SCAF8: variants seen among roughly 807,000 people sequenced by gnomAD.
The protein encoded by SCAF8 is SR-related CTD associated factor 8.
SCAF8 carries 23 observed loss-of-function variants against 140.5 expected under a neutral mutation model. The observed-to-expected ratio is 0.16, with a 90% CI of 0.12 to 0.23. The LOEUF (loss-of-function observed/expected upper bound fraction) is 0.23. Among genes scored for constraint, SCAF8 ranks in the 10% least tolerant of loss-of-function variants. The probability of loss-of-function intolerance (pLI) is 1.00; values close to 1 mark genes in which losing one functional copy is unlikely to be tolerated. For synonymous variants in SCAF8, 575 were observed against 528.9 expected (o/e 1.09, Z -1.20); for missense variants, 1,397 against 1,555.7 (o/e 0.90, Z 1.72).
chr6:154,781,726 T>C (rs572194996), intron 3 of SCAF8, among the ~76,000 whole-genome samples: 2 of 152,350 alleles, frequency 1.3e-5, no homozygotes, highest in East Asian at 3.9e-4. Flanking sequence ...TAGTTTTTGG[T>C]TATTATGAAT....
chr6:154,761,454 C>G (rs930047544), intron 1 of SCAF8, among the ~76,000 whole-genome samples: 2 of 152,134 alleles, frequency 1.3e-5, no homozygotes, highest in East Asian at 3.9e-4. Context: ...CCAGTGCACT[C>G]CATACTCCAG....
intron 1 of SCAF8, among the ~76,000 whole-genome samples, chr6:154,738,225 A>G (rs1326503532): frequency 6.6e-6 from 1 of 152,062 alleles, no homozygotes; most frequent in African/African-American, 2.4e-5. Context: ...GAAAACCCCA[A>G]TAATACAGAT....
At chr6:154,755,277 A>G (rs922261971) in intron 1 of SCAF8, among the ~76,000 whole-genome samples, 1 of 152,078 alleles carries the variant, frequency 6.6e-6, no homozygotes, top group East Asian at 1.9e-4. Context: ...TTTTTTAGAC[A>G]GAGTCTTGCT....
intron 1 of SCAF8, among the ~76,000 whole-genome samples, chr6:154,751,315 G>A (rs529162300): frequency 7.3e-5 from 11 of 151,234 alleles, no homozygotes; most frequent in Admixed American, 4.0e-4. Context: ...TGCAACCTCC[G>A]CCTCCCAAGT....
chr6:154,762,596 G>A (rs1776438286), intron 1 of SCAF8, among the ~76,000 whole-genome samples: 1 of 152,078 alleles, frequency 6.6e-6, no homozygotes, highest in South Asian at 2.1e-4. Flanking sequence ...AGTCTTGGGG[G>A]CCATCTTAGA....
At position 154,733,851 on chromosome 6, in the gene SCAF8, G is replaced by T; in HGVS notation, c.-50G>T. The stretch of plus-strand genomic sequence containing the variant: ...CGTCTCGCTCTCCCCACCCAGTGCA[G>T]TGGCCGCCGCCTCTTCCGCCGCCGG... On this transcript the variant is annotated 5_prime_UTR_variant, in exon 1 of 20. Coordinates refer to ENST00000367178, the MANE Select transcript of SCAF8 (RefSeq NM_014892.5). 6.5e-7 allele frequency: 1 copy of T among 1,542,360 alleles called. No homozygotes were observed. Among genetic ancestry groups the T allele is most frequent in the East Asian group, 2.7e-5 (1 of 37,250 alleles).
intron 6 of SCAF8, among the ~76,000 whole-genome samples, chr6:154,801,010 A>T (rs1024425713): frequency 2.0e-5 from 3 of 151,502 alleles, no homozygotes; most frequent in African/African-American, 7.2e-5. Context: ...AGAGGAAGAA[A>T]ATTGGATGCT....
At chr6:154,812,592 G>A (rs573589050) in intron 12 of SCAF8, among the ~76,000 whole-genome samples, 92 of 152,158 alleles carry the variant, frequency 6.0e-4, no homozygotes, top group Non-Finnish European at 1.2e-3. Context: ...CCTGTGGTTT[G>A]TATTCTTTCT....
At chr6:154,736,172 C>T (rs374988049) in intron 1 of SCAF8, among the ~76,000 whole-genome samples, 10 of 151,776 alleles carry the variant, frequency 6.6e-5, no homozygotes, top group East Asian at 3.9e-4. Flanking sequence ...TAATTCCCGC[C>T]GCCACCCTCT....
At chr6:154,790,811 C>CT (rs904982373) in intron 4 of SCAF8, among the ~76,000 whole-genome samples, 20 of 151,864 alleles carry the variant, frequency 1.3e-4, no homozygotes, top group Admixed American at 5.2e-4. Flanking sequence ...CACCTGGCCT[C>CT]TTTTTTCGTA....
rs1462449647 is a variant in SCAF8 at position 154,805,362 on chromosome 6, C to T, written c.864-7C>T. On this transcript the variant is annotated splice_region_variant and splice_polypyrimidine_tract_variant and intron_variant, in intron 8 of 19. Transcript: ENST00000367178. ...TAAAATATGTTTCCACCTGTTTTTC[C>T]TTTTAGTTCTCACGTTTCAGAATCT... 2 of 1,546,580 alleles carry T rather than the reference C, an allele frequency of 1.3e-6. No homozygotes were observed. Among genetic ancestry groups the T allele is most frequent in the Admixed American group, 1.7e-5 (1 of 58,572 alleles).
rs567945954 is a variant in SCAF8 at position 154,756,160 on chromosome 6, C to T, written c.31-17829C>T. Reference sequence around the variant, plus strand: ...AGGAAAAGTTTGAGGTCCTAAATACCACTTTTGTGTACAGTATTATTTCTC... The same window carrying T: ...AGGAAAAGTTTGAGGTCCTAAATACTACTTTTGTGTACAGTATTATTTCTC... On this transcript the variant is annotated intron_variant, in intron 1 of 19. Transcript: ENST00000367178. Among the ~76,000 whole-genome samples the T allele has an allele frequency of 2.9e-3, 447 of 152,208 alleles. 3 individuals carry two copies. The highest frequency in any genetic ancestry group is 0.01 in the African/African-American group (435 of 41,544).
At position 154,815,799 on chromosome 6, in the gene SCAF8, C is replaced by A; in HGVS notation, c.1504C>A (p.Gln502Lys). ...DLTNLFEEFG[Q>K]IESINMIPPR... ...AACCAACCTGTTTGAAGAGTTTGGA[C>A]AGATTGAATCCATTAATGCAAGTAT... The change falls in exon 13 of 20, where the codon CAG becomes AAG. Residue 502 changes from glutamine (Q) to lysine (K), a missense_variant. Gln to Lys is a moderately conservative substitution (Grantham distance 53, BLOSUM62 1). This residue lies in a region of SCAF8 where 59 missense variants were observed against 110.7 expected (regional missense o/e 0.53). Transcript: ENST00000367178. 6.2e-7 allele frequency: 1 copy of A among 1,608,400 alleles called. No homozygotes were observed. Among genetic ancestry groups the A allele is most frequent in the Non-Finnish European group, 8.5e-7 (1 of 1,175,430 alleles).
At chr6:154,766,504 G>A (rs1776570324) in intron 1 of SCAF8, among the ~76,000 whole-genome samples, 1 of 151,954 alleles carries the variant, frequency 6.6e-6, no homozygotes, top group Non-Finnish European at 1.5e-5. Context: ...TTGTTTTCTG[G>A]CACTGCTTCT....
intron 17 of SCAF8, among the ~76,000 whole-genome samples, chr6:154,826,538 G>A (rs1262389361): frequency 1.3e-5 from 2 of 152,106 alleles, no homozygotes; most frequent in Non-Finnish European, 2.9e-5. Flanking sequence ...TGTAATGGTA[G>A]CTTTATATTT....
At chr6:154,820,824 T>C (rs1778401354) in intron 15 of SCAF8, among the ~76,000 whole-genome samples, 1 of 152,136 alleles carries the variant, frequency 6.6e-6, no homozygotes, top group South Asian at 2.1e-4. Flanking sequence ...TTTTTTTTAA[T>C]CCCCAAAATT....
rs1459271353 is a variant in SCAF8 at position 154,733,472 on chromosome 6, G to C, written c.-429G>C. The C allele has an allele frequency of 7.4e-7, 1 of 1,359,908 alleles. No individual in the cohort carries two copies. Among genetic ancestry groups the C allele is most frequent in the Admixed American group, 3.7e-5 (1 of 27,080 alleles). The allele number at this position is 1,359,908 out of a possible 1,614,324, so 84.2% of individuals were successfully genotyped here. Reference sequence around the variant, plus strand: ...CTTCCTCCTCTGTCTTCGCCGAGCGGGGCTGGTTCCTGCGGCCCGAGCGGC... The same window carrying C: ...CTTCCTCCTCTGTCTTCGCCGAGCGCGGCTGGTTCCTGCGGCCCGAGCGGC... On this transcript the variant is annotated 5_prime_UTR_variant, in exon 1 of 20. Coordinates refer to ENST00000367178, the MANE Select transcript of SCAF8 (RefSeq NM_014892.5).
In SCAF8 at chr6:154,808,809, G is replaced by T; in HGVS notation, c.1226+11G>T. ...ACGATCTCGTTCAAGGTTCTACAAT[G>T]ATATTTAATAATAGCCGTGTGTGAA... On this transcript the variant is annotated intron_variant, in intron 11 of 19. Coordinates refer to ENST00000367178, the MANE Select transcript of SCAF8 (RefSeq NM_014892.5). The T allele has an allele frequency of 6.4e-7, 1 of 1,556,624 alleles. No homozygotes were observed. Among genetic ancestry groups the T allele is most frequent in the South Asian group, 1.1e-5 (1 of 89,502 alleles).
chr6:154,818,250 A>G (rs765707590), intron 13 of SCAF8, among the ~76,000 whole-genome samples: 2 of 151,966 alleles, frequency 1.3e-5, no homozygotes, highest in Non-Finnish European at 2.9e-5. Flanking sequence ...ATCGTGGCTT[A>G]TGATACCTAA....
Sources: allele counts gnomAD v4.1 joint callset (sites outside exome capture counted in the v4.1 genomes callset), GRCh38; gene constraint gnomAD v4.1.1; regional missense constraint gnomAD v4.1.1; transcripts MANE v1.5; gene names NCBI Gene and HGNC (gene_info 2026-07-23, HGNC 2026-07-21).